The following EPPK1 variants were observed in gnomAD, a reference collection of about 807,000 sequenced individuals.
The protein encoded by EPPK1 is epiplakin.
For missense variants in EPPK1, 3,823 were observed against 3,673.3 expected, an observed-to-expected ratio of 1.04 and a Z score of -1.05; for synonymous variants, 1,862 against 1,721.2, an observed-to-expected ratio of 1.08 and a Z score of -2.03.
rs1193010066 is a variant in EPPK1, at chr8:143,868,169, G to A, written c.5085C>T (p.His1695=). ...IATGGIIDPV[H]SHRVPVDVAY... ...CCACGTCCACGGGCACGCGGTGGCT[G>A]TGCACGGGGTCGATGATGCCGCCCG... The change falls in exon 2 of 2, where the codon CAC becomes CAT. Residue 1695 remains histidine, a synonymous_variant. Transcript: ENST00000615648. 1.2e-6 allele frequency: 2 copies of A among 1,613,096 alleles called. No individual in the cohort carries two copies. Among genetic ancestry groups the A allele is most frequent in the Non-Finnish European group, 1.7e-6 (2 of 1,179,996 alleles).
rs782296626 is a variant in EPPK1, at chr8:143,869,460, G to T, written c.3794C>A (p.Ala1265Asp). 1.9e-6 allele frequency: 3 copies of T among 1,562,896 alleles called. No homozygotes were observed. The highest frequency in any genetic ancestry group is 2.7e-5 in the African/African-American group (2 of 73,724). The change falls in exon 2 of 2, where the codon GCC (alanine) becomes GAC (aspartate). Residue 1265 changes from alanine to aspartate, a missense_variant. Ala to Asp is a moderately radical substitution (Grantham distance 126). Transcript: ENST00000615648. ...TGTGGGCAGGAGGCCATCCCTCACG[G>T]CCTGGGCGATGCTGGCCTTGGCCCC... ...PSGAKASIAQAVRDGLLPTGL... is the reference protein window; with the variant it reads ...PSGAKASIAQDVRDGLLPTGL...
Position 143,870,156 on chromosome 8 carries a change from C to G in EPPK1, c.3098G>C (p.Trp1033Ser). ...FQAMKKGLIPWEQAARLLEAQ... is the reference protein window; with the variant it reads ...FQAMKKGLIPSEQAARLLEAQ... ...CTCCAGGAGGCGGGCAGCTTGCTCC[C>G]AAGGGATGAGACCTTTCTTCATGGC... The change falls in exon 2 of 2, where the codon TGG (tryptophan) becomes TCG (serine). Residue 1033 changes from tryptophan (W) to serine (S), a missense_variant. Physicochemically the swap from Trp to Ser is radical, Grantham distance 177. Coordinates refer to ENST00000615648, the MANE Select transcript of EPPK1 (RefSeq NM_031308.4). The surrounding 1 kb of genome is among the most constrained non-coding windows in gnomAD (Gnocchi z 5.2). 6.2e-7 allele frequency: 1 copy of G among 1,611,766 alleles called. No individual in the cohort carries two copies. The highest frequency in any genetic ancestry group is 1.1e-5 in the South Asian group (1 of 90,880).
rs782718209 is a variant in EPPK1, at chr8:143,870,497, CATGA to C, written c.2753_2756del (p.Leu918ArgfsTer32). On this transcript the variant is annotated frameshift_variant, in exon 2 of 2. Transcript: ENST00000615648. LOFTEE classifies it low-confidence loss of function (END_TRUNC). The surrounding 1 kb of genome is among the most constrained non-coding windows in gnomAD (Gnocchi z 5.2). The stretch of plus-strand genomic sequence containing the variant: ...CGCACAGGTACCTGCGGACGCCGTC[CATGA>C]GTAGGAGGGCCTCCGGGCTGATTGT... 1.2e-6 allele frequency: 2 copies of C among 1,606,830 alleles called. No homozygotes were observed. Among genetic ancestry groups the C allele is most frequent in the Non-Finnish European group, 1.7e-6 (2 of 1,176,808 alleles).
At position 143,866,520 on chromosome 8, in the gene EPPK1, A is replaced by G; in HGVS notation, c.6734T>C (p.Ile2245Thr). 2 of 1,574,510 alleles carry G rather than the reference A, an allele frequency of 1.3e-6. No homozygotes were observed. Among genetic ancestry groups the G allele is most frequent in the Non-Finnish European group, 8.6e-7 (1 of 1,163,776 alleles). ...CACGCCCTTCCACATGGCCTGGTAG[A>G]TGCTCATCTTCTCCTGGCGGCCGGG... The part of the protein sequence containing the change: ...DQPGRQEKMS[I>T]YQAMWKGVLR... The change falls in exon 2 of 2, where the codon ATC becomes ACC. Residue 2245 changes from isoleucine (I) to threonine (T), a missense_variant. Transcript: ENST00000615648.
At position 143,869,572 on chromosome 8, in the gene EPPK1, A is replaced by G. The variant is rs782794043; in HGVS notation, c.3682T>C (p.Ser1228Pro). ...GGCTGCTCGGCGACCTGGGCGGGCG[A>G]CTGCGTGCCCTGAGCCAGGGCCTCA... ...TLEALAQGTQSPAQVAEQPAV... is the reference protein window; with the variant it reads ...TLEALAQGTQPPAQVAEQPAV... Residue 1228 changes from serine to proline, a missense_variant, in exon 2 of 2, where the codon TCG becomes CCG. Physicochemically the swap from Ser to Pro is moderately conservative, Grantham distance 74 (BLOSUM62 -1). Transcript: ENST00000615648. 3.2e-6 allele frequency: 5 copies of G among 1,561,050 alleles called. No homozygotes were observed. In the East Asian group the frequency reaches 9.4e-5, roughly 29 times the overall value.
chr8:143,878,382 CCCG>C (rs1563891988), intron 1 of EPPK1, 53 bp downstream of exon 1: 1 of 136,488 alleles, frequency 7.3e-6, no homozygotes, highest in African/African-American at 3.0e-5. Flanking sequence ...CCTGCCCGCA[CCCG>C]CCGCACCTGC....
Position 143,867,359 on chromosome 8 carries a change from C to A in EPPK1, c.5895G>T (p.Arg1965=). 6.2e-7 allele frequency: 1 copy of A among 1,612,900 alleles called. No individual in the cohort carries two copies. Among genetic ancestry groups the A allele is most frequent in the Non-Finnish European group, 8.5e-7 (1 of 1,179,870 alleles). ...CTCTTTCAGCCTTCAGGAGCCTCTC[C>A]CGCAGCTCCTCGTTCACCAGGCCCA... The part of the protein sequence containing the change: ...VDVGLVNEEL[R]ERLLKAERAA... Residue 1965 remains arginine (R), a synonymous_variant, in exon 2 of 2, where the codon CGG becomes CGT. Transcript: ENST00000615648.
At position 143,868,702 on chromosome 8, in the gene EPPK1, G is replaced by T; in HGVS notation, c.4552C>A (p.Gln1518Lys). 1 of 1,579,028 alleles carries T rather than the reference G, an allele frequency of 6.3e-7. No homozygotes were observed. Residue 1518 changes from glutamine to lysine, a missense_variant, in exon 2 of 2, where the codon CAG becomes AAG. By Grantham distance (53) the Gln-to-Lys change is moderately conservative. Transcript: ENST00000615648. The part of the protein sequence containing the change: ...LVEAAERQPL[Q>K]ATFRGLRKQV... The stretch of plus-strand genomic sequence containing the variant: ...TTCCGGAGCCCTCTGAAGGTGGCCT[G>T]CAGGGGCTGCCTCTCTGCAGCCTCG...
Position 143,872,219 on chromosome 8 carries a change from C to T in EPPK1, c.1035G>A (p.Ala345=), listed in dbSNP as rs781834759. 5.3e-5 allele frequency: 85 copies of T among 1,608,810 alleles called. No homozygotes were observed. The highest frequency in any genetic ancestry group is 2.8e-4 in the South Asian group (25 of 90,468). Residue 345 remains alanine (A), a synonymous_variant, in exon 2 of 2, where the codon GCG becomes GCA. Coordinates refer to ENST00000615648, the MANE Select transcript of EPPK1 (RefSeq NM_031308.4). Reference sequence around the variant, plus strand: ...CATGGAGCTCTGGGCTGACCAGGCCCGCCCTGACTGCCTCGTCTACCCACA... The same window carrying T: ...CATGGAGCTCTGGGCTGACCAGGCCTGCCCTGACTGCCTCGTCTACCCACA... ...QRLWVDEAVR[A]GLVSPELHEQ...
chr8:143,868,123 C>G lies in EPPK1; in HGVS notation c.5131G>C (p.Asp1711His), dbSNP rs113397845. Reference sequence around the variant, plus strand: ...GCCAGGATGCGGTTCATCTCCTCGTCGAAGTAGCCGCAGCGGTAGGCCACG... The same window carrying G: ...GCCAGGATGCGGTTCATCTCCTCGTGGAAGTAGCCGCAGCGGTAGGCCACG... Reference protein sequence around the residue: ...VDVAYRCGYFDEEMNRILADP... With the variant: ...VDVAYRCGYFHEEMNRILADP... Residue 1711 changes from aspartate (D) to histidine (H), a missense_variant, in exon 2 of 2, where the codon GAC becomes CAC. Coordinates refer to ENST00000615648, the MANE Select transcript of EPPK1 (RefSeq NM_031308.4). 9.3e-6 allele frequency: 15 copies of G among 1,613,258 alleles called. No homozygotes were observed. In the South Asian group the frequency reaches 1.6e-4, roughly 18 times the overall value.
rs1465476273 is a variant in EPPK1 at position 143,868,009 on chromosome 8, C to T, written c.5245G>A (p.Asp1749Asn). Residue 1749 changes from aspartate to asparagine, a missense_variant, in exon 2 of 2, where the codon GAC becomes AAC. Asp to Asn is a conservative substitution (Grantham distance 23). Coordinates refer to ENST00000615648, the MANE Select transcript of EPPK1 (RefSeq NM_031308.4). ...YLQLLERCVE[D>N]PETGLYLLQI... ...AGCAGGTACAGGCCCGTCTCGGGGT[C>T]CTCCACACAGCGCTCCAGAAGCTGC... 1.2e-6 allele frequency: 2 copies of T among 1,613,680 alleles called. No homozygotes were observed. Among genetic ancestry groups the T allele is most frequent in the Admixed American group, 3.3e-5 (2 of 60,018 alleles).
chr8:143,872,921 C>G lies in EPPK1; in HGVS notation c.333G>C (p.Lys111Asn). Residue 111 changes from lysine (K) to asparagine (N), a missense_variant, in exon 2 of 2, where the codon AAG becomes AAC. By Grantham distance (94) the Lys-to-Asn change is moderately conservative (BLOSUM62 0). Transcript: ENST00000615648. ...TAGTGGCACGCTCAGCGGCCAGCAG[C>G]TTCTCCTTCAGCTCCAGCCCCACCA... ...QGLVGLELKE[K>N]LLAAERATTG... The G allele has an allele frequency of 2.5e-6, 4 of 1,608,628 alleles. No homozygotes were observed.
rs565248760 is a variant in EPPK1 at position 143,867,546 on chromosome 8, G to A, written c.5708C>T (p.Thr1903Met). The change falls in exon 2 of 2, where the codon ACG becomes ATG. Residue 1903 changes from threonine to methionine, a missense_variant. Thr to Met is a moderately conservative substitution (Grantham distance 81). Transcript: ENST00000615648. ...CATGACCTCCCTGGTGGAGGGCACCGTGACCCCCGCAATGCAGCCGCTGCC... is the reference window on the plus strand; with the variant it reads ...CATGACCTCCCTGGTGGAGGGCACCATGACCCCCGCAATGCAGCCGCTGCC... Reference protein sequence around the residue: ...LEGSGCIAGVTVPSTREVMSL... With the variant: ...LEGSGCIAGVMVPSTREVMSL... The A allele has an allele frequency of 8.2e-5, 133 of 1,612,626 alleles. No homozygotes were observed. Among genetic ancestry groups the A allele is most frequent in the East Asian group, 7.6e-4 (34 of 44,868 alleles).
In EPPK1 at chr8:143,865,969, C is replaced by T; in HGVS notation, c.7285G>A (p.Glu2429Lys). ...GRGSAVHQLSEELRCALRDAR... is the reference protein window; with the variant it reads ...GRGSAVHQLSKELRCALRDAR... ...TCGCGCAGGGCACAGCGCAGCTCCT[C>T]GCTCAGCTGGTGCACGGCGGAGCCC... Residue 2429 changes from glutamate (E) to lysine (K), a missense_variant, in exon 2 of 2, where the codon GAG becomes AAG. Glu to Lys is a moderately conservative substitution (Grantham distance 56). Coordinates refer to ENST00000615648, the MANE Select transcript of EPPK1 (RefSeq NM_031308.4). The T allele has an allele frequency of 2.3e-5, 3 of 128,712 alleles. No individual in the cohort carries two copies. The highest frequency in any genetic ancestry group is 2.2e-4 in the Admixed American group (1 of 4,458). The allele number at this position is 128,712 out of a possible 1,614,324, so 8.0% of individuals were successfully genotyped here.
chr8:143,869,166 C>A lies in EPPK1; in HGVS notation c.4088G>T (p.Gly1363Val), dbSNP rs782269259. Residue 1363 changes from glycine (G) to valine (V), a missense_variant, in exon 2 of 2, where the codon GGG becomes GTG. Coordinates refer to ENST00000615648, the MANE Select transcript of EPPK1 (RefSeq NM_031308.4). ...LPLLQVQLAT[G>V]GVVDPVHGVH... is the part of the protein sequence containing the mutation. ...CCCGTGGACAGGGTCCACCACACCC[C>A]CTGTGGCCAGCTGCACCTGCAGGAG... is the stretch of plus-strand genomic sequence containing the variant. 4.4e-6 allele frequency: 7 copies of A among 1,607,854 alleles called. No individual in the cohort carries two copies. The highest frequency in any genetic ancestry group is 5.1e-6 in the Non-Finnish European group (6 of 1,179,548).
rs782506999 is a variant in EPPK1, at chr8:143,872,875, C to T, written c.379G>A (p.Gly127Ser). 24 of 1,587,608 alleles carry T rather than the reference C, an allele frequency of 1.5e-5. No individual in the cohort carries two copies. Among genetic ancestry groups the T allele is most frequent in the Middle Eastern group, 3.4e-4 (2 of 5,964 alleles). ...TGAAAGAGGGCCAGCTTCTCACCGC[C>T]GTAGGGGTCAGGATAGCCCGTAGTG... is the stretch of plus-strand genomic sequence containing the variant. ...RATTGYPDPY[G>S]GEKLALFQAI... Residue 127 changes from glycine (G) to serine (S), a missense_variant, in exon 2 of 2, where the codon GGC becomes AGC. Transcript: ENST00000615648.
Position 143,866,717 on chromosome 8 carries a change from T to G in EPPK1, c.6537A>C (p.Arg2179=), listed in dbSNP as rs782224388. Residue 2179 remains arginine (R), a synonymous_variant, in exon 2 of 2, where the codon CGA becomes CGC. Coordinates refer to ENST00000615648, the MANE Select transcript of EPPK1 (RefSeq NM_031308.4). ...NKHLWFQGIR[R]QITASELLSS... ...TGAGGAGTTCAGAAGCTGTGATCTG[T>G]CGTCTAATTCCTTGGAACCACAGGT... The G allele has an allele frequency of 5.0e-6, 8 of 1,613,420 alleles. No homozygotes were observed. The highest frequency in any genetic ancestry group is 2.2e-5 in the South Asian group (2 of 91,080).
In EPPK1 at chr8:143,858,056, C is replaced by A. The variant is rs782494664; in HGVS notation, c.15198G>T (p.Leu5066=). 2 of 1,613,384 alleles carry A rather than the reference C, an allele frequency of 1.2e-6. No homozygotes were observed. Among genetic ancestry groups the A allele is most frequent in the African/African-American group, 2.7e-5 (2 of 75,060 alleles). Residue 5066 remains leucine, a synonymous_variant, in exon 2 of 2, where the codon CTG becomes CTT. Transcript: ENST00000615648. ...CCAGGGTGGCCCTCTGCAGAAGCTGCAGGTACGTGAGGTTCTCGTGCGTGT... is the reference window on the plus strand; with the variant it reads ...CCAGGGTGGCCCTCTGCAGAAGCTGAAGGTACGTGAGGTTCTCGTGCGTGT... ...DPNTHENLTY[L]QLLQRATLDP...
chr8:143,870,550 G>A lies in EPPK1; in HGVS notation c.2704C>T (p.Leu902=), dbSNP rs782779530. 1.2e-6 allele frequency: 2 copies of A among 1,611,780 alleles called. No individual in the cohort carries two copies. The highest frequency in any genetic ancestry group is 2.2e-5 in the South Asian group (2 of 91,030). ...GTCCCGGCCAGCACTTGGTCCAACA[G>A]CTGCTGGTCAATGATACCGGCCTCC... The part of the protein sequence containing the change: ...LLEAGIIDQQ[L]LDQVLAGTIS... Residue 902 remains leucine, a synonymous_variant, in exon 2 of 2, where the codon CTG becomes TTG. Coordinates refer to ENST00000615648, the MANE Select transcript of EPPK1 (RefSeq NM_031308.4). This position sits in a 1 kb window ranked among gnomAD's most constrained non-coding sequence, Gnocchi z 5.2.
Sources: gnomAD v4.1 joint callset for allele counts on GRCh38, gnomAD v4.1.1 for gene constraint, Gnocchi (gnomAD v3.1) non-coding constraint, MANE v1.5 for transcripts, NCBI Gene and HGNC (gene_info 2026-07-23, HGNC 2026-07-21) for gene names.